The following RASA1 variants were observed in gnomAD, a reference collection of about 807,000 sequenced individuals.
The protein encoded by RASA1 is ras GTPase-activating protein 1.
Under a neutral mutation model 132.2 loss-of-function variants are expected in RASA1, and 25 were observed. That is an observed-to-expected ratio of 0.19 (90% CI 0.14 to 0.26). The LOEUF is 0.26. Among genes scored for constraint, RASA1 ranks in the 10% least tolerant of loss-of-function variants. RASA1 has a pLI of 1.00. For missense variants in RASA1, 964 were observed against 1,299.2 expected, an observed-to-expected ratio of 0.74 and a Z score of 3.97; for synonymous variants, 477 against 449.9, an observed-to-expected ratio of 1.06 and a Z score of -0.76.
At chr5:87,279,890 TG>T (rs989280671) in intron 1 of RASA1, among the ~76,000 whole-genome samples, 4 of 152,210 alleles carry the variant, frequency 2.6e-5, no homozygotes, top group Non-Finnish European at 5.9e-5. Context: ...TGAAAAAAGC[TG>T]GTACCACATC....
rs1444160924 is a variant in RASA1 at position 87,391,250 on chromosome 5, C to A, written c.*367C>A. On this transcript the variant is annotated 3_prime_UTR_variant, in exon 25 of 25. Coordinates refer to ENST00000274376, the MANE Select transcript of RASA1 (RefSeq NM_002890.3). Reference sequence around the variant, plus strand: ...GTTTTGCTGTCTCTTAGAGAAAGAACTATGAAATCAACTGACAAGAAACAC... The same window carrying A: ...GTTTTGCTGTCTCTTAGAGAAAGAAATATGAAATCAACTGACAAGAAACAC... 2 of 399,720 alleles carry A rather than the reference C, an allele frequency of 5.0e-6. No homozygotes were observed. Among genetic ancestry groups the A allele is most frequent in the Non-Finnish European group, 9.3e-6 (2 of 216,130 alleles). The allele number at this position is 399,720 out of a possible 1,614,324, so 24.8% of individuals were successfully genotyped here.
At chr5:87,320,569 G>T (rs923728979) in intron 1 of RASA1, among the ~76,000 whole-genome samples, 1 of 152,124 alleles carries the variant, frequency 6.6e-6, no homozygotes, top group Non-Finnish European at 1.5e-5. Flanking sequence ...GTGGGGAAGC[G>T]CCACACACTT....
intron 1 of RASA1, among the ~76,000 whole-genome samples, chr5:87,288,172 C>T (rs1353776532): frequency 6.8e-6 from 1 of 146,508 alleles, no homozygotes; most frequent in Non-Finnish European, 1.5e-5. Context: ...TATATACACA[C>T]CATATATATA....
intron 24 of RASA1, 75 bp downstream of exon 24, chr5:87,389,602 C>A: frequency 6.4e-7 from 1 of 1,555,700 alleles, no homozygotes; most frequent in South Asian, 1.1e-5. Context: ...TAGCTGAATT[C>A]TGGTTAACAT....
At chr5:87,291,483 A>T (rs1754907977) in intron 1 of RASA1, among the ~76,000 whole-genome samples, 1 of 152,154 alleles carries the variant, frequency 6.6e-6, no homozygotes, top group African/African-American at 2.4e-5. Context: ...GTGAGCTATG[A>T]TTGTGCCACG....
chr5:87,309,944 A>G (rs1190511218), intron 1 of RASA1, among the ~76,000 whole-genome samples: 1 of 152,126 alleles, frequency 6.6e-6, no homozygotes, highest in African/African-American at 2.4e-5. Flanking sequence ...TATATGTGAT[A>G]AGATCCTTTT....
rs556807737 is a variant in RASA1 at position 87,338,719 on chromosome 5, A to G, written c.1017+628A>G. On this transcript the variant is annotated intron_variant, in intron 5 of 24. Coordinates refer to ENST00000274376, the MANE Select transcript of RASA1 (RefSeq NM_002890.3). ...TTTTTTTGCCGTCCTTTTCTTCCTCATAAGTGAAGTTATATCAGTCTGATC... is the reference window on the plus strand; with the variant it reads ...TTTTTTTGCCGTCCTTTTCTTCCTCGTAAGTGAAGTTATATCAGTCTGATC... Among the ~76,000 whole-genome samples, 399 of 150,686 alleles carry G rather than the reference A, an allele frequency of 2.6e-3. 2 individuals carry two copies. Among genetic ancestry groups the G allele is most frequent in the Non-Finnish European group, 4.5e-3 (306 of 67,692 alleles).
chr5:87,283,148 G>GTTT (rs200461511), intron 1 of RASA1, among the ~76,000 whole-genome samples: 20 of 103,230 alleles, frequency 1.9e-4, no homozygotes, highest in East Asian at 7.8e-4. Flanking sequence ...TTTTTTTTGT[G>GTTT]TTTTTTTTTT....
At chr5:87,354,002 TA>T (rs1214952393) in intron 9 of RASA1, among the ~76,000 whole-genome samples, 1 of 152,096 alleles carries the variant, frequency 6.6e-6, no homozygotes, top group African/African-American at 2.4e-5. Context: ...TCTAGGGACA[TA>T]AAGGATTATT....
At chr5:87,328,417 GGGGTTGAT>G (rs1411526896) in intron 1 of RASA1, among the ~76,000 whole-genome samples, 2 of 152,082 alleles carry the variant, frequency 1.3e-5, no homozygotes, top group Admixed American at 6.5e-5. Flanking sequence ...GAGTAATAGT[GGGGTTGAT>G]TAAATATGTT....
intron 1 of RASA1, among the ~76,000 whole-genome samples, chr5:87,319,823 A>G (rs1756646435): frequency 6.6e-6 from 1 of 152,156 alleles, no homozygotes; most frequent in East Asian, 1.9e-4. Flanking sequence ...TCTCCCCCCA[A>G]AATGGGTTTG....
intron 1 of RASA1, among the ~76,000 whole-genome samples, chr5:87,274,423 A>G (rs560647949): frequency 6.6e-6 from 1 of 152,216 alleles, no homozygotes; most frequent in Non-Finnish European, 1.5e-5. Context: ...CATTATACAT[A>G]TGGGTGAGCC....
At chr5:87,342,349 C>G (rs1238176941) in intron 6 of RASA1, among the ~76,000 whole-genome samples, 3 of 151,762 alleles carry the variant, frequency 2.0e-5, no homozygotes, top group Admixed American at 2.0e-4. Flanking sequence ...AGTAGAGATG[C>G]GGTTTTGCCA....
intron 18 of RASA1, 32 bp downstream of exon 18, chr5:87,378,570 G>T: frequency 6.4e-7 from 1 of 1,564,996 alleles, no homozygotes; most frequent in African/African-American, 1.4e-5. Context: ...AAGTATTTTT[G>T]CAAAGAACAT....
At chr5:87,311,730 T>G (rs1755927158) in intron 1 of RASA1, among the ~76,000 whole-genome samples, 2 of 152,344 alleles carry the variant, frequency 1.3e-5, no homozygotes, top group South Asian at 4.1e-4. Flanking sequence ...CATGAAGGTC[T>G]AAAGTGCCCA....
intron 1 of RASA1, among the ~76,000 whole-genome samples, chr5:87,292,384 T>G (rs1447026203): frequency 1.3e-5 from 2 of 150,064 alleles, no homozygotes; most frequent in East Asian, 1.9e-4. Flanking sequence ...TTTTTTTTTT[T>G]GTCATGTGGA....
chr5:87,271,057 G>A (rs1753808862), intron 1 of RASA1, among the ~76,000 whole-genome samples: 1 of 152,116 alleles, frequency 6.6e-6, no homozygotes, highest in Non-Finnish European at 1.5e-5. Flanking sequence ...TGACCGAGAT[G>A]GAGAAACCCC....
At chr5:87,331,267 C>G (rs772984768) in intron 1 of RASA1, 81 bp from the exon 2 acceptor site, 2 of 1,380,294 alleles carry the variant, frequency 1.4e-6, no homozygotes, top group Non-Finnish European at 2.1e-6. Context: ...TTTAAAACCT[C>G]TAGTAGTATG....
intron 21 of RASA1, among the ~76,000 whole-genome samples, chr5:87,384,031 C>T (rs1390205292): frequency 6.6e-6 from 1 of 151,824 alleles, no homozygotes; most frequent in African/African-American, 2.4e-5. Context: ...TTTTTTCTAC[C>T]CCTATTTGTG....
Sources: gnomAD v4.1 joint callset for allele counts (sites outside exome capture counted in the v4.1 genomes callset) on GRCh38, gnomAD v4.1.1 for gene constraint, MANE v1.5 for transcripts, NCBI Gene and HGNC (gene_info 2026-07-23, HGNC 2026-07-21) for gene names.